DCC: variants seen among roughly 807,000 people sequenced by gnomAD.
DCC encodes DCC netrin 1 receptor, also known as netrin receptor DCC.
A neutral mutation model predicts 172.5 loss-of-function variants in DCC; 58 were observed. The observed-to-expected ratio is 0.34, with a 90% CI of 0.27 to 0.42. DCC has a LOEUF of 0.42. Ranked by LOEUF, DCC falls within the 10% of genes least tolerant of loss-of-function variation. The pLI is 1.00. For missense variants in DCC, 1,740 were observed against 1,791.0 expected (o/e 0.97, Z 0.51); for synonymous variants, 709 against 644.5 (o/e 1.10, Z -1.52).
At chr18:53,142,206 G>C (rs1036379027) in intron 7 of DCC, among the ~76,000 whole-genome samples, 1 of 152,190 alleles carries the variant, frequency 6.6e-6, no homozygotes, top group African/African-American at 2.4e-5. Flanking sequence ...CTGGTGCCAG[G>C]TGATACAAAA....
chr18:53,198,872 G>A (rs745622260), intron 9 of DCC, among the ~76,000 whole-genome samples: 14 of 152,054 alleles, frequency 9.2e-5, no homozygotes, highest in Non-Finnish European at 1.6e-4. Context: ...ATGGAGATGG[G>A]GAGAAATTAG....
chr18:52,573,080 C>G (rs551445744), intron 1 of DCC, among the ~76,000 whole-genome samples: 1 of 152,224 alleles, frequency 6.6e-6, no homozygotes, highest in Admixed American at 6.5e-5. Flanking sequence ...TGTCTTGTAA[C>G]AGGAAAGTTC....
At chr18:53,162,101 C>G (rs1199367976) in intron 8 of DCC, among the ~76,000 whole-genome samples, 1 of 152,022 alleles carries the variant, frequency 6.6e-6, no homozygotes, top group Non-Finnish European at 1.5e-5. Flanking sequence ...GAGTTCGAGA[C>G]CAGCCCGGCC....
intron 1 of DCC, among the ~76,000 whole-genome samples, chr18:52,623,853 T>C (rs1317725953): frequency 6.6e-6 from 1 of 152,198 alleles, no homozygotes; most frequent in Non-Finnish European, 1.5e-5. Flanking sequence ...TCCCTCAGGA[T>C]TGCTTTAAAG....
intron 1 of DCC, among the ~76,000 whole-genome samples, chr18:52,368,331 A>G (rs923099176): frequency 3.3e-5 from 5 of 152,014 alleles, no homozygotes. Context: ...AGAATTGGTA[A>G]GTAGTTGTTT....
At chr18:53,284,389 C>A (rs1055915398) in intron 12 of DCC, among the ~76,000 whole-genome samples, 2 of 152,048 alleles carry the variant, frequency 1.3e-5, no homozygotes, top group African/African-American at 4.8e-5. Flanking sequence ...GGTGGTCTTT[C>A]CCGTGCTGTT....
intron 9 of DCC, among the ~76,000 whole-genome samples, chr18:53,190,186 A>G (rs1178696016): frequency 2.0e-5 from 3 of 152,106 alleles, no homozygotes; most frequent in Non-Finnish European, 2.9e-5. Flanking sequence ...TCAGCCTCTC[A>G]AAGTGCTGGG....
chr18:53,466,355 C>T (rs2045621034), intron 24 of DCC, among the ~76,000 whole-genome samples: 1 of 152,286 alleles, frequency 6.6e-6, no homozygotes, highest in East Asian at 1.9e-4. Context: ...CCTCTTCTCT[C>T]TTCTATACAG....
chr18:52,436,641 C>A (rs1987804009), intron 1 of DCC, among the ~76,000 whole-genome samples: 1 of 152,208 alleles, frequency 6.6e-6, no homozygotes. Context: ...GGCATGGTGG[C>A]TCACACCTGT....
intron 1 of DCC, among the ~76,000 whole-genome samples, chr18:52,578,547 G>A (rs984380710): frequency 6.6e-6 from 1 of 152,144 alleles, no homozygotes; most frequent in Non-Finnish European, 1.5e-5. Context: ...TATCCATGAT[G>A]TCCAGCATTA....
At chr18:52,944,357 T>C (rs543836901) in intron 5 of DCC, among the ~76,000 whole-genome samples, 1 of 152,196 alleles carries the variant, frequency 6.6e-6, no homozygotes, top group East Asian at 1.9e-4. Context: ...AGGCTGAAAG[T>C]TAAAGGCAGG....
intron 13 of DCC, among the ~76,000 whole-genome samples, chr18:53,312,826 G>A (rs1360906704): frequency 2.9e-5 from 2 of 69,572 alleles, no homozygotes; most frequent in Non-Finnish European, 6.2e-5. Context: ...AAAAAAAAAA[G>A]CTTTTAATTA....
chr18:52,822,686 G>A (rs995202858), intron 2 of DCC, among the ~76,000 whole-genome samples: 1 of 152,118 alleles, frequency 6.6e-6, no homozygotes, highest in African/African-American at 2.4e-5. Context: ...TCAACCACAT[G>A]GCACTTCTTT....
intron 5 of DCC, among the ~76,000 whole-genome samples, chr18:52,997,904 A>G (rs932597913): frequency 6.6e-6 from 1 of 152,000 alleles, no homozygotes; most frequent in Non-Finnish European, 1.5e-5. Flanking sequence ...CAGCTCAGAC[A>G]TCACCTCCTC....
intron 1 of DCC, among the ~76,000 whole-genome samples, chr18:52,475,340 A>G (rs184373768): frequency 6.6e-6 from 1 of 152,318 alleles, no homozygotes; most frequent in Non-Finnish European, 1.5e-5. Context: ...ATGGAGCTCC[A>G]ATAGTGGCAG....
chr18:52,578,895 G>T (rs186306824), intron 1 of DCC, among the ~76,000 whole-genome samples: 89 of 152,144 alleles, frequency 5.8e-4, no homozygotes, highest in African/African-American at 1.9e-3. Context: ...GCGGGAGAAT[G>T]GCTTGAACCC....
chr18:52,449,565 C>T (rs756429328), intron 1 of DCC, among the ~76,000 whole-genome samples: 10 of 152,176 alleles, frequency 6.6e-5, no homozygotes, highest in African/African-American at 9.7e-5. Context: ...AACAATGAAA[C>T]GATGACACTT....
intron 23 of DCC, among the ~76,000 whole-genome samples, chr18:53,454,990 C>T (rs1360564320): frequency 6.6e-6 from 1 of 152,152 alleles, no homozygotes; most frequent in Admixed American, 6.5e-5. Context: ...TTTTATTCCA[C>T]TAACTGCTAT....
intron 7 of DCC, among the ~76,000 whole-genome samples, chr18:53,152,075 C>T (rs1257501405): frequency 6.6e-6 from 1 of 152,044 alleles, no homozygotes; most frequent in Non-Finnish European, 1.5e-5. Flanking sequence ...CTGACAATAT[C>T]TAGTTACATA....
Sources: gnomAD v4.1 joint callset for allele counts (sites outside exome capture counted in the v4.1 genomes callset) on GRCh38, gnomAD v4.1.1 for gene constraint, MANE v1.5 for transcripts, NCBI Gene and HGNC (gene_info 2026-07-23, HGNC 2026-07-21) for gene names.